CDH4: variants seen among roughly 807,000 people sequenced by gnomAD.
CDH4 encodes cadherin 4.
A neutral mutation model predicts 86.0 loss-of-function variants in CDH4; 33 were observed. That is an observed-to-expected ratio of 0.38 (90% CI 0.29 to 0.51). The LOEUF is 0.51. CDH4 is among the 20% of genes least tolerant of loss of function. The pLI is 0.86. For missense variants in CDH4, 1,114 were observed against 1,307.4 expected (o/e 0.85, Z 2.28); for synonymous variants, 555 against 549.4 (o/e 1.01, Z -0.14).
At position 61,879,717 on chromosome 20, in the gene CDH4, CCG is replaced by C. The variant is rs1386194768; in HGVS notation, c.1050+5818_1050+5819del. On this transcript the variant is annotated intron_variant, in intron 7 of 15. Transcript: ENST00000614565. This position sits in a 1 kb window ranked among gnomAD's most constrained non-coding sequence, Gnocchi z 4.1. Reference sequence around the variant, plus strand: ...CCTAATGAGGAGGTGAACGTGCCGCCCGAGCCCCGTCCTGAAGGTGAGAGTGG... The same window carrying C: ...CCTAATGAGGAGGTGAACGTGCCGCCAGCCCCGTCCTGAAGGTGAGAGTGG... 1.6e-3 allele frequency among the ~76,000 whole-genome samples: 251 copies of C among 152,254 alleles called. No homozygotes were observed. Among genetic ancestry groups the C allele is most frequent in the Non-Finnish European group, 2.6e-3 (179 of 68,026 alleles).
chr20:61,793,607 C>T (rs1048217309), intron 4 of CDH4, among the ~76,000 whole-genome samples: 5 of 151,714 alleles, frequency 3.3e-5, no homozygotes, highest in Admixed American at 6.6e-5. Context: ...TTTGGGAGGC[C>T]GAGGCAGGTG....
At chr20:61,441,883 G>T (rs6062044) in intron 2 of CDH4, among the ~76,000 whole-genome samples, 31,972 of 152,142 alleles carry the variant, frequency 0.21, 3,825 homozygotes, top group African/African-American at 0.32. Flanking sequence ...GGTTGTGCAG[G>T]TGGCACGGCA....
At chr20:61,774,228 T>C (rs2088812563) in intron 4 of CDH4, among the ~76,000 whole-genome samples, 1 of 152,200 alleles carries the variant, frequency 6.6e-6, no homozygotes, top group Non-Finnish European at 1.5e-5. Flanking sequence ...TGGCCACCCA[T>C]GCCCCTTGAG....
intron 6 of CDH4, among the ~76,000 whole-genome samples, chr20:61,855,755 G>T (rs1465925359): frequency 6.6e-6 from 1 of 152,264 alleles, no homozygotes; most frequent in Non-Finnish European, 1.5e-5. Context: ...CGGCTGCCCG[G>T]CCATTTGCAG....
At chr20:61,395,180 A>G (rs1197768252) in intron 2 of CDH4, among the ~76,000 whole-genome samples, 5 of 151,908 alleles carry the variant, frequency 3.3e-5, no homozygotes, top group African/African-American at 7.2e-5. Context: ...CACTTTGTCA[A>G]AAGAAAAAAT....
intron 2 of CDH4, among the ~76,000 whole-genome samples, chr20:61,723,737 A>T (rs1195315898): frequency 1.3e-5 from 2 of 152,228 alleles, no homozygotes; most frequent in African/African-American, 2.4e-5. Flanking sequence ...TTACTCTAGA[A>T]AACATAGTTG....
chr20:61,384,479 T>C (rs1255713863), intron 2 of CDH4, among the ~76,000 whole-genome samples: 2 of 152,196 alleles, frequency 1.3e-5, no homozygotes, highest in Admixed American at 6.5e-5. Flanking sequence ...CTGCTGTCCA[T>C]CTGGAAGCTG....
At chr20:61,729,358 AC>A (rs1321245873) in intron 2 of CDH4, among the ~76,000 whole-genome samples, 1 of 152,182 alleles carries the variant, frequency 6.6e-6, no homozygotes, top group Admixed American at 6.5e-5. Flanking sequence ...GTGGAAAAGA[AC>A]TTTTGTGTAA....
chr20:61,896,142 A>T (rs555276822), intron 8 of CDH4, among the ~76,000 whole-genome samples: 2 of 152,346 alleles, frequency 1.3e-5, no homozygotes, highest in East Asian at 3.9e-4. Flanking sequence ...CCCCTCGGGC[A>T]CCAGGGTGAG....
intron 2 of CDH4, among the ~76,000 whole-genome samples, chr20:61,598,546 C>T (rs1442061071): frequency 3.9e-5 from 6 of 152,304 alleles, no homozygotes; most frequent in East Asian, 1.9e-4. Flanking sequence ...CAGGGAGTGA[C>T]GACCCCTGCG....
At chr20:61,422,606 A>G (rs1415849556) in intron 2 of CDH4, among the ~76,000 whole-genome samples, 2 of 152,140 alleles carry the variant, frequency 1.3e-5, no homozygotes, top group African/African-American at 4.8e-5. Context: ...CGTGGTGTAC[A>G]TGAGCACAGA....
intron 2 of CDH4, among the ~76,000 whole-genome samples, chr20:61,658,617 G>T (rs948933065): frequency 2.6e-5 from 4 of 152,184 alleles, no homozygotes; most frequent in African/African-American, 7.2e-5. Context: ...CTGGGCAGGG[G>T]CTCGCCACCC....
chr20:61,535,962 G>A (rs1461545744), intron 2 of CDH4, among the ~76,000 whole-genome samples: 1 of 152,176 alleles, frequency 6.6e-6, no homozygotes. Context: ...CTGAAAGATT[G>A]GGGTGCTTAC....
At chr20:61,578,572 T>C (rs1232985676) in intron 2 of CDH4, among the ~76,000 whole-genome samples, 1 of 152,158 alleles carries the variant, frequency 6.6e-6, no homozygotes, top group Non-Finnish European at 1.5e-5. Context: ...CACAGGAAGA[T>C]GGTTCCCTCT....
intron 6 of CDH4, among the ~76,000 whole-genome samples, chr20:61,865,352 G>A (rs1455004905): frequency 1.3e-5 from 2 of 151,708 alleles, no homozygotes; most frequent in Non-Finnish European, 2.9e-5. Context: ...TGTAGATAAT[G>A]GGCTGGCTTC....
chr20:61,730,105 T>A (rs749228183), intron 2 of CDH4, among the ~76,000 whole-genome samples: 2 of 152,082 alleles, frequency 1.3e-5, no homozygotes, highest in Non-Finnish European at 2.9e-5. Flanking sequence ...GTGTGTTGCA[T>A]TTGTTAGGAC....
At chr20:61,629,231 G>GGA (rs1568722116) in intron 2 of CDH4, among the ~76,000 whole-genome samples, 1 of 152,150 alleles carries the variant, frequency 6.6e-6, no homozygotes, top group African/African-American at 2.4e-5. Flanking sequence ...TGCAGGCCAG[G>GGA]GAGCCCCCTG....
At chr20:61,556,841 C>T (rs2086181524) in intron 2 of CDH4, among the ~76,000 whole-genome samples, 1 of 152,112 alleles carries the variant, frequency 6.6e-6, no homozygotes, top group African/African-American at 2.4e-5. Flanking sequence ...CTGTGGTCGG[C>T]CCGTCCTCCG....
chr20:61,664,889 G>A (rs1270649205), intron 2 of CDH4, among the ~76,000 whole-genome samples: 2 of 152,224 alleles, frequency 1.3e-5, no homozygotes, highest in African/African-American at 4.8e-5. Context: ...TTATTTGGAA[G>A]AGGAAAGCAG....
Sources: allele counts gnomAD v4.1 joint callset (sites outside exome capture counted in the v4.1 genomes callset), GRCh38; gene constraint gnomAD v4.1.1; non-coding constraint Gnocchi (gnomAD v3.1); transcripts MANE v1.5; gene names NCBI Gene and HGNC (gene_info 2026-07-23, HGNC 2026-07-21).